Variants in NTN4 observed in about 807,000 individuals in gnomAD.
NTN4 encodes the protein netrin 4.
NTN4 carries 32 observed loss-of-function variants against 73.6 expected under a neutral mutation model. The observed-to-expected ratio is 0.44, with a 90% CI of 0.33 to 0.58. The LOEUF (loss-of-function observed/expected upper bound fraction) is 0.58. Ranked by LOEUF, NTN4 falls within the 20% of genes least tolerant of loss-of-function variation. The probability of loss-of-function intolerance (pLI) is 0.04; values close to 1 mark genes in which losing one functional copy is unlikely to be tolerated. For synonymous variants in NTN4, 258 were observed against 287.5 expected, an observed-to-expected ratio of 0.90 and a Z score of 1.04; for missense variants, 654 against 798.3, an observed-to-expected ratio of 0.82 and a Z score of 2.18.
At chr12:95,690,338 A>G (rs754181720) in intron 5 of NTN4, among the ~76,000 whole-genome samples, 5 of 152,250 alleles carry the variant, frequency 3.3e-5, no homozygotes, top group Admixed American at 6.5e-5. Context: ...TGAATAAAAC[A>G]GTCTTGGTCC....
chr12:95,712,787 C>CTTTTT (rs35614636), intron 4 of NTN4, among the ~76,000 whole-genome samples: 48 of 105,700 alleles, frequency 4.5e-4, no homozygotes, highest in South Asian at 6.4e-4. Flanking sequence ...TTCTTTCTTT[C>CTTTTT]TTTTTTTTTT....
intron 2 of NTN4, among the ~76,000 whole-genome samples, chr12:95,738,862 C>T (rs1196589544): frequency 6.6e-6 from 1 of 152,122 alleles, no homozygotes; most frequent in East Asian, 1.9e-4. Flanking sequence ...GCCTCTGCAG[C>T]TCATGGTCTA....
Position 95,790,575 on chromosome 12 carries a change from C to T in NTN4, c.-266G>A. The T allele has an allele frequency of 3.5e-6, 1 of 289,720 alleles. No individual in the cohort carries two copies. 17.9% of individuals were successfully genotyped at this position (289,720 alleles called of 1,614,324 possible). Reference sequence around the variant, plus strand: ...GCGGGAGCCCCGGGACCATAGCCGGCCTGGCTGCGCTGCCCCGCGGAGCGG... The same window carrying T: ...GCGGGAGCCCCGGGACCATAGCCGGTCTGGCTGCGCTGCCCCGCGGAGCGG... On this transcript the variant is annotated 5_prime_UTR_variant, in exon 1 of 10. Coordinates refer to ENST00000343702, the MANE Select transcript of NTN4 (RefSeq NM_021229.4). This position sits in a 1 kb window ranked among gnomAD's most constrained non-coding sequence, Gnocchi z 6.5.
At chr12:95,758,973 A>G (rs972750349) in intron 2 of NTN4, among the ~76,000 whole-genome samples, 21 of 152,210 alleles carry the variant, frequency 1.4e-4, no homozygotes, top group African/African-American at 4.3e-4. Context: ...ATTTTCTCCT[A>G]GAAGTTGTAT....
At chr12:95,734,233 G>C (rs1372146326) in intron 3 of NTN4, among the ~76,000 whole-genome samples, 1 of 151,942 alleles carries the variant, frequency 6.6e-6, no homozygotes, top group Non-Finnish European at 1.5e-5. Context: ...ATAAAATCAG[G>C]TTTCATTAAT....
intron 2 of NTN4, among the ~76,000 whole-genome samples, chr12:95,776,348 C>T (rs367681544): frequency 1.8e-4 from 28 of 152,036 alleles, no homozygotes; most frequent in East Asian, 7.7e-4. Flanking sequence ...AGGCTTCAGA[C>T]GACCAAACTT....
At position 95,719,389 on chromosome 12, in the gene NTN4, C is replaced by A. The variant is rs368797293; in HGVS notation, c.865-6051G>T. 2.6e-5 allele frequency among the ~76,000 whole-genome samples: 4 copies of A among 152,244 alleles called. No homozygotes were observed. The East Asian group carries it at 7.7e-4, about 29-fold the overall frequency. ...TAGAAAAATGCCCCCTTAACGACAG[C>A]TGCAGCAATTCATGGACCTCTATAG... On this transcript the variant is annotated intron_variant, in intron 3 of 9. Coordinates refer to ENST00000343702, the MANE Select transcript of NTN4 (RefSeq NM_021229.4).
At chr12:95,748,424 T>TA (rs2078878043) in intron 2 of NTN4, among the ~76,000 whole-genome samples, 1 of 151,208 alleles carries the variant, frequency 6.6e-6, no homozygotes, top group Non-Finnish European at 1.5e-5. Context: ...TTTTGCCTAA[T>TA]ATAATCTAAT....
At chr12:95,663,150 T>G (rs2078151669) in intron 9 of NTN4, among the ~76,000 whole-genome samples, 1 of 151,578 alleles carries the variant, frequency 6.6e-6, no homozygotes, top group South Asian at 2.1e-4. Context: ...AAGAAATCAA[T>G]CTCAGGGTTA....
chr12:95,716,539 C>A (rs1288980904), intron 3 of NTN4, among the ~76,000 whole-genome samples: 1 of 151,922 alleles, frequency 6.6e-6, no homozygotes, highest in Non-Finnish European at 1.5e-5. Flanking sequence ...AATATACTTT[C>A]TTTTCTTCTC....
chr12:95,664,549 C>T (rs1230906640), intron 9 of NTN4, among the ~76,000 whole-genome samples: 1 of 151,442 alleles, frequency 6.6e-6, no homozygotes, highest in African/African-American at 2.4e-5. Context: ...TTAGTTTATG[C>T]TCTCTTTCTC....
chr12:95,721,118 G>C (rs2078644800), intron 3 of NTN4, among the ~76,000 whole-genome samples: 1 of 152,178 alleles, frequency 6.6e-6, no homozygotes, highest in South Asian at 2.1e-4. Flanking sequence ...TAAGACCCTT[G>C]GCAGAAGGAT....
chr12:95,734,279 C>T (rs1379731791), intron 3 of NTN4, among the ~76,000 whole-genome samples: 1 of 152,130 alleles, frequency 6.6e-6, no homozygotes, highest in Non-Finnish European at 1.5e-5. Context: ...CACAGACGAA[C>T]TGGCATAGTC....
chr12:95,774,008 C>T (rs1352049130), intron 2 of NTN4, among the ~76,000 whole-genome samples: 2 of 152,114 alleles, frequency 1.3e-5, no homozygotes, highest in African/African-American at 4.8e-5. Flanking sequence ...TTGGATAACA[C>T]TAAGTGCAAA....
chr12:95,790,927 C>CGGG (rs1565922837), upstream of NTN4, among the ~76,000 whole-genome samples: 1 of 84,430 alleles, frequency 1.2e-5, no homozygotes, highest in African/African-American at 4.3e-5. The surrounding 1 kb of genome is among the most constrained non-coding windows in gnomAD (Gnocchi z 6.5). Flanking sequence ...CCGCTGCCGC[C>CGGG]CGGGGGGGGG....
chr12:95,727,427 A>G (rs2121138718), intron 3 of NTN4, among the ~76,000 whole-genome samples: 1 of 152,156 alleles, frequency 6.6e-6, no homozygotes, highest in East Asian at 1.9e-4. Flanking sequence ...AAAGTTTTTC[A>G]TTTTGATGAT....
At chr12:95,756,165 G>T (rs956561590) in intron 2 of NTN4, among the ~76,000 whole-genome samples, 1 of 152,130 alleles carries the variant, frequency 6.6e-6, no homozygotes, top group Non-Finnish European at 1.5e-5. Flanking sequence ...TTGTTTTAGA[G>T]TTAGCCATTC....
chr12:95,696,651 TC>T (rs2078444535), intron 5 of NTN4, among the ~76,000 whole-genome samples: 1 of 152,010 alleles, frequency 6.6e-6, no homozygotes, highest in South Asian at 2.1e-4. Context: ...TTGATGAACC[TC>T]CTAGAAGGTC....
At chr12:95,749,727 C>T (rs2078889676) in intron 2 of NTN4, among the ~76,000 whole-genome samples, 1 of 152,192 alleles carries the variant, frequency 6.6e-6, no homozygotes, top group Non-Finnish European at 1.5e-5. Context: ...CCCTTAGTGG[C>T]AAGTCCTGCT....
Sources: gnomAD v4.1 joint callset for allele counts (sites outside exome capture counted in the v4.1 genomes callset) on GRCh38, gnomAD v4.1.1 for gene constraint, Gnocchi (gnomAD v3.1) non-coding constraint, MANE v1.5 for transcripts, NCBI Gene and HGNC (gene_info 2026-07-23, HGNC 2026-07-21) for gene names.